Variants in PLEC observed in about 807,000 individuals in gnomAD.
PLEC encodes the protein plectin.
PLEC carries 216 observed loss-of-function variants against 392.8 expected under a neutral mutation model. The ratio of observed to expected loss-of-function variants is 0.55; its 90% confidence interval spans 0.49 to 0.62. PLEC has a LOEUF of 0.62. Ranked by LOEUF, PLEC falls within the 20% of genes least tolerant of loss-of-function variation. The pLI is 0.00. For missense variants in PLEC, 6,863 were observed against 6,563.4 expected (o/e 1.05, Z -1.58); for synonymous variants, 3,621 against 2,980.6 (o/e 1.21, Z -7.00).
chr8:143,947,911 C>T (rs782685000), intron 1 of PLEC, among the ~76,000 whole-genome samples: 2 of 152,248 alleles, frequency 1.3e-5, no homozygotes, highest in South Asian at 2.1e-4. Flanking sequence ...CTGTCCCTCT[C>T]TCTGGGCTGC....
Position 143,920,339 on chromosome 8 carries a change from C to T in PLEC, c.9482G>A (p.Gly3161Asp), listed in dbSNP as rs1554681438. 1 of 1,593,588 alleles carries T rather than the reference C, an allele frequency of 6.3e-7. No homozygotes were observed. The highest frequency in any genetic ancestry group is 8.5e-7 in the Non-Finnish European group (1 of 1,175,378). The change falls in exon 32 of 32, where the codon GGC becomes GAC. Residue 3161 changes from glycine to aspartate, a missense_variant. Transcript: ENST00000345136. ...RVPLDVACARGCLDEETSRAL... is the reference protein window; with the variant it reads ...RVPLDVACARDCLDEETSRAL... ...CCTGCTGGTCTCCTCATCCAGGCAGCCTCGGGCGCAGGCGACATCCAGGGG... is the reference window on the plus strand; with the variant it reads ...CCTGCTGGTCTCCTCATCCAGGCAGTCTCGGGCGCAGGCGACATCCAGGGG...
In PLEC at chr8:143,920,427, G is replaced by A. The variant is rs370266957; in HGVS notation, c.9394C>T (p.Arg3132Cys). 31 of 1,596,990 alleles carry A rather than the reference G, an allele frequency of 1.9e-5. No individual in the cohort carries two copies. The highest frequency in any genetic ancestry group is 1.7e-4 in the Admixed American group (10 of 59,276). Residue 3132 changes from arginine (R) to cysteine (C), a missense_variant, in exon 32 of 32, where the codon CGC (arginine) becomes TGC (cysteine). Transcript: ENST00000345136. ...GTGGACAGCTGGGCGTCCAACAGGC[G>A]CAGGCCCTGCTCCCGGGGAATGAGG... ...KGLIPREQGL[R>C]LLDAQLSTGG...
intron 1 of PLEC, among the ~76,000 whole-genome samples, chr8:143,961,070 T>C (rs1832850550): frequency 6.6e-6 from 1 of 152,240 alleles, no homozygotes; most frequent in Non-Finnish European, 1.5e-5. Context: ...CACTGCGCGT[T>C]TGTGGCTCTG....
At position 143,922,043 on chromosome 8, in the gene PLEC, C is replaced by G. The variant is rs1188258851; in HGVS notation, c.7778G>C (p.Arg2593Thr). Reference sequence around the variant, plus strand: ...CAGGAGCTGCAGCTGCTCACGCAGCCTCTGGTTCTCCTCAGCCAGCAGCTC... The same window carrying G: ...CAGGAGCTGCAGCTGCTCACGCAGCGTCTGGTTCTCCTCAGCCAGCAGCTC... ...QEELLAEENQRLREQLQLLEE... is the reference protein window; with the variant it reads ...QEELLAEENQTLREQLQLLEE... Residue 2593 changes from arginine (R) to threonine (T), a missense_variant, in exon 32 of 32, where the codon AGG becomes ACG. Transcript: ENST00000345136. 2 of 1,594,892 alleles carry G rather than the reference C, an allele frequency of 1.3e-6. No homozygotes were observed. The highest frequency in any genetic ancestry group is 1.7e-5 in the Admixed American group (1 of 59,648).
In PLEC at chr8:143,916,248, A is replaced by G. The variant is rs1554668402; in HGVS notation, c.13573T>C (p.Ser4525Pro). 6 of 1,546,586 alleles carry G rather than the reference A, an allele frequency of 3.9e-6. No individual in the cohort carries two copies. In the South Asian group the frequency reaches 7.1e-5, roughly 18 times the overall value. ...MTFSSSSYSS[S>P]GYGRRYASGS... The stretch of plus-strand genomic sequence containing the variant: ...GAGGCGTAGCGGCGGCCGTAGCCCG[A>G]GGAGGAGTAGGAGGATGAAGAGAAG... The change falls in exon 32 of 32, where the codon TCG (serine) becomes CCG (proline). Residue 4525 changes from serine to proline, a missense_variant. Transcript: ENST00000345136.
rs11993233 is a variant in PLEC, at chr8:143,928,115, A to G, written c.3261-123T>C. ...AAGCCCAGACCCAACCCTGGGGGTC[A>G]GCTGACCCTGTGGTCAGAGGCTTGC... On this transcript the variant is annotated intron_variant, in intron 25 of 31. Coordinates refer to ENST00000345136, the MANE Select transcript of PLEC (RefSeq NM_201384.3). 539,404 of 1,233,712 alleles carry G rather than the reference A, an allele frequency of 0.44. 125,556 individuals carry two copies. The highest frequency in any genetic ancestry group is 0.83 in the African/African-American group (54,992 of 66,144). The allele number at this position is 1,233,712 out of a possible 1,614,324, so 76.4% of individuals were successfully genotyped here. A position where few individuals can be genotyped will look rare whatever the true frequency, so the allele number is the denominator to read the frequency against.
upstream of PLEC, chr8:143,953,938 C>T: frequency 7.1e-7 from 1 of 1,399,810 alleles, no homozygotes; most frequent in Non-Finnish European, 9.2e-7. Flanking sequence ...ACAGGGCCGC[C>T]CCGGGCGCAT....
At chr8:143,955,167 T>G (rs1478543627), upstream of PLEC, among the ~76,000 whole-genome samples, 1 of 151,952 alleles carries the variant, frequency 6.6e-6, no homozygotes, top group East Asian at 1.9e-4. Context: ...AGGAAAATGG[T>G]GAAGTGAGGA....
In PLEC at chr8:143,925,651, C is replaced by A; in HGVS notation, c.4278G>T (p.Arg1426=). 1 of 1,585,766 alleles carries A rather than the reference C, an allele frequency of 6.3e-7. No individual in the cohort carries two copies. The highest frequency in any genetic ancestry group is 8.5e-7 in the Non-Finnish European group (1 of 1,173,308). Residue 1426 remains arginine (R), a synonymous_variant, in exon 31 of 32, where the codon CGG becomes CGT. Transcript: ENST00000345136. The stretch of plus-strand genomic sequence containing the variant: ...CCTGGATCTCCGCCTCCGAGCTCTG[C>A]CGCAGCTGCTGCAGCTCCTCCTGAA... The part of the protein sequence containing the change: ...RSIQEELQQL[R]QSSEAEIQAK...
At position 143,923,981 on chromosome 8, in the gene PLEC, C is replaced by A. The variant is rs527947459; in HGVS notation, c.5948G>T (p.Arg1983Leu). The A allele has an allele frequency of 1.3e-6, 2 of 1,583,368 alleles. No individual in the cohort carries two copies. Among genetic ancestry groups the A allele is most frequent in the Non-Finnish European group, 1.7e-6 (2 of 1,171,060 alleles). The change falls in exon 31 of 32, where the codon CGC (arginine) becomes CTC (leucine). Residue 1983 changes from arginine (R) to leucine (L), a missense_variant. Transcript: ENST00000345136. The stretch of plus-strand genomic sequence containing the variant: ...CTGCACGCGCTCCTCAGCCTCACGG[C>A]GCCGCCGCTCCTCCTCCGCCGCCAG... ...RQLAAEEERR[R>L]REAEERVQKS...
chr8:143,920,064 C>T lies in PLEC; in HGVS notation c.9757G>A (p.Val3253Met), dbSNP rs757046536. 6.2e-7 allele frequency: 1 copy of T among 1,613,298 alleles called. No homozygotes were observed. The highest frequency in any genetic ancestry group is 1.3e-5 in the African/African-American group (1 of 75,070). The change falls in exon 32 of 32, where the codon GTG becomes ATG. Residue 3253 changes from valine to methionine, a missense_variant. Transcript: ENST00000345136. ...TACTCAGAGCTGATGAGCTCCCACA[C>T]CGTCACCGTCCTGCCCTTGAAGCCA... ...VGGFKGRTVT[V>M]WELISSEYFT...
intron 1 of PLEC, among the ~76,000 whole-genome samples, chr8:143,948,968 C>G (rs768697781): frequency 1.4e-4 from 21 of 152,198 alleles, no homozygotes; most frequent in Non-Finnish European, 2.6e-4. Flanking sequence ...GGAGACATGT[C>G]GTCCATTTAG....
chr8:143,917,658 G>A lies in PLEC; in HGVS notation c.12163C>T (p.Pro4055Ser). 2 of 1,613,652 alleles carry A rather than the reference G, an allele frequency of 1.2e-6. No individual in the cohort carries two copies. Among genetic ancestry groups the A allele is most frequent in the Non-Finnish European group, 1.7e-6 (2 of 1,180,032 alleles). Residue 4055 changes from proline (P) to serine (S), a missense_variant, in exon 32 of 32, where the codon CCT becomes TCT. Coordinates refer to ENST00000345136, the MANE Select transcript of PLEC (RefSeq NM_201384.3). ...AQIATGGIID[P>S]EESHRLPVEV... ...ACGGGCAGCCGGTGGCTCTCCTCAG[G>A]GTCGATGATGCCGCCCGTGGCGATC...
At chr8:143,935,820 A>C (rs1002940783) in intron 6 of PLEC, 28 bp downstream of exon 6, 14 of 1,611,258 alleles carry the variant, frequency 8.7e-6, no homozygotes, top group Admixed American at 3.3e-5. Flanking sequence ...CCCCCAGCCC[A>C]CAGCCCCCTG....
Position 143,937,016 on chromosome 8 carries a change from G to C in PLEC, c.398C>G (p.Thr133Ser), listed in dbSNP as rs370111212. The C allele has an allele frequency of 6.2e-7, 1 of 1,612,948 alleles. No homozygotes were observed. Among genetic ancestry groups the C allele is most frequent in the Non-Finnish European group, 8.5e-7 (1 of 1,179,764 alleles). Residue 133 changes from threonine (T) to serine (S), a missense_variant, in exon 5 of 32, where the codon ACC becomes AGC. By Grantham distance (58) the Thr-to-Ser change is moderately conservative. Transcript: ENST00000345136. Reference protein sequence around the residue: ...DDIADGNPKLTLGLIWTIILH... With the variant: ...DDIADGNPKLSLGLIWTIILH... The stretch of plus-strand genomic sequence containing the variant: ...AATGATTGTCCAGATGAGGCCAAGG[G>C]TCAGCTTGGGGTTGCCGTCAGCGAT...
intron 3 of PLEC, 56 bp from the exon 4 acceptor site, chr8:143,937,298 C>T: frequency 7.5e-7 from 1 of 1,342,156 alleles, no homozygotes; most frequent in Non-Finnish European, 1.1e-6. Flanking sequence ...GGGCCCCACC[C>T]TCAGCATGCC....
chr8:143,972,104 C>A (rs113891318), intron 1 of PLEC, among the ~76,000 whole-genome samples: 30 of 152,338 alleles, frequency 2.0e-4, no homozygotes, highest in African/African-American at 7.0e-4. Flanking sequence ...CAGGAGGAAA[C>A]GATCCTGCAC....
chr8:143,926,847 G>A lies in PLEC; in HGVS notation c.3981C>T (p.Thr1327=), dbSNP rs1825363786. 3.1e-6 allele frequency: 5 copies of A among 1,613,474 alleles called. No homozygotes were observed. The African/African-American group carries it at 6.7e-5, about 22-fold the overall frequency. ...VDLRTHYSEL[T]TLTSQYIKFI... ...ACTTGATGTACTGGCTCGTCAGTGT[G>A]GTCAGCTCGCTGTAGTGCGTACGCA... is the stretch of plus-strand genomic sequence containing the variant. The change falls in exon 30 of 32, where the codon ACC becomes ACT. Residue 1327 remains threonine (T), a synonymous_variant. Coordinates refer to ENST00000345136, the MANE Select transcript of PLEC (RefSeq NM_201384.3).
rs782388454 is a variant in PLEC, at chr8:143,927,780, G to C, written c.3400-14C>G. 1 of 1,599,042 alleles carries C rather than the reference G, an allele frequency of 6.3e-7. No homozygotes were observed. Among genetic ancestry groups the C allele is most frequent in the Non-Finnish European group, 8.5e-7 (1 of 1,173,496 alleles). ...GGCCCGCAGCTTCTGTTGGGGACAGGAGGGACATGTGCGGCTTCAGCTGGG... is the reference window on the plus strand; with the variant it reads ...GGCCCGCAGCTTCTGTTGGGGACAGCAGGGACATGTGCGGCTTCAGCTGGG... On this transcript the variant is annotated splice_polypyrimidine_tract_variant and intron_variant, in intron 26 of 31. Coordinates refer to ENST00000345136, the MANE Select transcript of PLEC (RefSeq NM_201384.3).
Sources: gnomAD v4.1 joint callset for allele counts (sites outside exome capture counted in the v4.1 genomes callset) on GRCh38, gnomAD v4.1.1 for gene constraint, MANE v1.5 for transcripts, NCBI Gene and HGNC (gene_info 2026-07-23, HGNC 2026-07-21) for gene names.